The following PPP2R2C variants were observed in gnomAD, a reference collection of about 807,000 sequenced individuals.
PPP2R2C encodes the protein protein phosphatase 2 regulatory subunit Bgamma.
In PPP2R2C, 10 loss-of-function variants were observed where a neutral mutation model predicts 45.3. That is an observed-to-expected ratio of 0.22 (90% CI 0.14 to 0.37). The LOEUF is 0.37. Ranked by LOEUF, PPP2R2C falls within the 10% of genes least tolerant of loss-of-function variation. The probability of loss-of-function intolerance (pLI) is 1.00; values close to 1 mark genes in which losing one functional copy is unlikely to be tolerated. For missense variants in PPP2R2C, 308 were observed against 619.7 expected (o/e 0.50, Z 5.34); for synonymous variants, 257 against 245.4 (o/e 1.05, Z -0.44).
chr4:6,477,289 G>A (rs1722193638), upstream of PPP2R2C, among the ~76,000 whole-genome samples: 1 of 152,118 alleles, frequency 6.6e-6, no homozygotes, highest in South Asian at 2.1e-4. Flanking sequence ...GGGTCTGTTT[G>A]TTTAGCTTTA....
chr4:6,323,542 G>A lies in PPP2R2C; in HGVS notation c.1104C>T (p.Asn368=). Residue 368 remains asparagine (N), a synonymous_variant, in exon 9 of 9, where the codon AAC becomes AAT. Coordinates refer to ENST00000382599, the MANE Select transcript of PPP2R2C (RefSeq NM_020416.4). ...YNNFFRMFDR[N]TKRDVTLEAS... ...CCTCCAGGGTCACGTCCCGCTTGGT[G>A]TTCCGATCGAACATGCGGAAGAAGT... is the stretch of plus-strand genomic sequence containing the variant. 1.3e-6 allele frequency: 2 copies of A among 1,589,642 alleles called. No individual in the cohort carries two copies. Among genetic ancestry groups the A allele is most frequent in the Non-Finnish European group, 1.7e-6 (2 of 1,160,982 alleles).
rs145344856 is a variant in PPP2R2C, at chr4:6,510,699, C to T, written c.49+24572G>A. Among the ~76,000 whole-genome samples the T allele has an allele frequency of 3.6e-3, 546 of 152,200 alleles. 3 individuals carry two copies. Among genetic ancestry groups the T allele is most frequent in the African/African-American group, 0.012 (511 of 41,544 alleles). On this transcript the variant is annotated intron_variant, in intron 2 of 9. Transcript: ENST00000506140. ...CCTCTTAGAAAATGTTTGTTGAGGC[C>T]GGGCACGGTGTCTCACGCCTGTAAT...
At chr4:6,546,400 T>C (rs553304594) in intron 1 of PPP2R2C, among the ~76,000 whole-genome samples, 1 of 152,276 alleles carries the variant, frequency 6.6e-6, no homozygotes, top group Admixed American at 6.5e-5. Flanking sequence ...TATCTTGAGA[T>C]TACTAAAATC....
In PPP2R2C at chr4:6,393,905, G is replaced by A. The variant is rs143752188; in HGVS notation, c.71-12811C>T. On this transcript the variant is annotated intron_variant, in intron 1 of 8. Transcript: ENST00000382599. ...ATGACACCCAGCCTGGCTTCAGCAC[G>A]ACCAACCCTCCATCGGATCCCCATG... Among the ~76,000 whole-genome samples, 805 of 152,308 alleles carry A rather than the reference G, an allele frequency of 5.3e-3. 4 individuals carry two copies. Among genetic ancestry groups the A allele is most frequent in the Non-Finnish European group, 8.2e-3 (561 of 68,032 alleles).
intron 6 of PPP2R2C, among the ~76,000 whole-genome samples, chr4:6,335,611 G>C (rs1440887002): frequency 6.6e-6 from 1 of 152,112 alleles, no homozygotes; most frequent in Non-Finnish European, 1.5e-5. Context: ...AAGGAGGTAG[G>C]GAGGGGCAGG....
At chr4:6,402,753 G>C (rs903337162) in intron 1 of PPP2R2C, among the ~76,000 whole-genome samples, 1 of 152,220 alleles carries the variant, frequency 6.6e-6, no homozygotes, top group Admixed American at 6.5e-5. Context: ...TGGAGGAGGA[G>C]GCACTGCATA....
At chr4:6,480,068 T>G (rs1367238879) in intron 2 of PPP2R2C, among the ~76,000 whole-genome samples, 2 of 152,074 alleles carry the variant, frequency 1.3e-5, no homozygotes, top group African/African-American at 4.8e-5. Context: ...TGAAGTTCCT[T>G]TACATCCCTT....
intron 1 of PPP2R2C, among the ~76,000 whole-genome samples, chr4:6,443,105 T>C (rs1279066902): frequency 6.6e-6 from 1 of 151,198 alleles, no homozygotes; most frequent in Non-Finnish European, 1.5e-5. Flanking sequence ...AACCAAGCTC[T>C]ACAGTGGCCT....
intron 1 of PPP2R2C, among the ~76,000 whole-genome samples, chr4:6,455,144 G>A (rs6813305): frequency 0.077 from 11,672 of 152,250 alleles, 806 homozygotes; most frequent in East Asian, 0.37. Flanking sequence ...CCAGAGCTGC[G>A]TTGCATTCGT....
At chr4:6,476,325 A>C (rs1311566778), upstream of PPP2R2C, among the ~76,000 whole-genome samples, 1 of 152,064 alleles carries the variant, frequency 6.6e-6, no homozygotes, top group African/African-American at 2.4e-5. Context: ...AAATTCATAT[A>C]TTGAAATCCT....
At chr4:6,348,961 G>A (rs186005377) in intron 5 of PPP2R2C, 319 of 957,842 alleles carry the variant, frequency 3.3e-4, no homozygotes, top group Middle Eastern at 1.1e-3. Flanking sequence ...TGAGCAACTC[G>A]TCCGGGGTGG....
chr4:6,355,330 C>T (rs559777605), intron 5 of PPP2R2C, among the ~76,000 whole-genome samples: 12 of 152,004 alleles, frequency 7.9e-5, no homozygotes, highest in Admixed American at 7.2e-4. Flanking sequence ...CAACAGTCCC[C>T]AGAGTGTGAT....
chr4:6,356,232 G>A (rs1243455469), intron 5 of PPP2R2C, among the ~76,000 whole-genome samples: 2 of 152,160 alleles, frequency 1.3e-5, no homozygotes, highest in Admixed American at 1.3e-4. Context: ...CCAAACCCCA[G>A]CCAAGCACCT....
chr4:6,496,231 CG>C (rs201272680), intron 2 of PPP2R2C, among the ~76,000 whole-genome samples: 57 of 152,022 alleles, frequency 3.7e-4, no homozygotes, highest in Non-Finnish European at 1.5e-4. Context: ...ACATATTTTG[CG>C]GGGGGGCAAA....
At chr4:6,468,911 G>A (rs997463812) in intron 1 of PPP2R2C, among the ~76,000 whole-genome samples, 11 of 151,240 alleles carry the variant, frequency 7.3e-5, no homozygotes, top group Non-Finnish European at 1.6e-4. Context: ...CCAGGGTCCA[G>A]GGCCCAGGGC....
chr4:6,389,086 A>G (rs1178694216), intron 1 of PPP2R2C, among the ~76,000 whole-genome samples: 2 of 152,116 alleles, frequency 1.3e-5, no homozygotes, highest in Admixed American at 1.3e-4. Context: ...CCCACTACTT[A>G]CCAGCTGTGT....
chr4:6,535,612 C>T (rs539979383), intron 1 of PPP2R2C, among the ~76,000 whole-genome samples: 1 of 152,242 alleles, frequency 6.6e-6, no homozygotes, highest in African/African-American at 2.4e-5. Flanking sequence ...CCACCTTCCC[C>T]TCGGGCTATT....
chr4:6,544,599 C>T (rs576365132), intron 1 of PPP2R2C, among the ~76,000 whole-genome samples: 13 of 152,262 alleles, frequency 8.5e-5, no homozygotes, highest in South Asian at 6.2e-4. Context: ...AGCCTCCCAA[C>T]GTGCTGGGAT....
At chr4:6,404,930 G>A (rs1717695480) in intron 1 of PPP2R2C, among the ~76,000 whole-genome samples, 1 of 152,226 alleles carries the variant, frequency 6.6e-6, no homozygotes, top group Admixed American at 6.5e-5. Flanking sequence ...TCTTGAGCAA[G>A]GCACCGCACC....
Sources: allele counts gnomAD v4.1 joint callset (sites outside exome capture counted in the v4.1 genomes callset), GRCh38; gene constraint gnomAD v4.1.1; transcripts MANE v1.5; gene names NCBI Gene and HGNC (gene_info 2026-07-23, HGNC 2026-07-21).